The following CDX2 variants were observed in gnomAD, a reference collection of about 807,000 sequenced individuals.
CDX2 encodes caudal type homeobox 2, also known as homeobox protein CDX-2.
CDX2 carries 7 observed loss-of-function variants against 25.5 expected under a neutral mutation model. The ratio of observed to expected loss-of-function variants is 0.27; its 90% confidence interval spans 0.16 to 0.52. CDX2 has a LOEUF of 0.52. Among genes scored for constraint, CDX2 ranks in the 20% least tolerant of loss-of-function variants. The pLI, the probability that CDX2 is intolerant of heterozygous loss-of-function variation, is 0.97. For missense variants in CDX2, 375 were observed against 431.4 expected, an observed-to-expected ratio of 0.87 and a Z score of 1.16; for synonymous variants, 222 against 198.6, an observed-to-expected ratio of 1.12 and a Z score of -0.99.
At chr13:27,966,149 T>C (rs1449327764) in intron 1 of CDX2, among the ~76,000 whole-genome samples, 1 of 152,230 alleles carries the variant, frequency 6.6e-6, no homozygotes, top group South Asian at 2.1e-4. Flanking sequence ...GGCGATCTTA[T>C]CAAAGAAAAG....
chr13:27,967,310 T>TC (rs1869382428), intron 1 of CDX2: 1 of 515,922 alleles, frequency 1.9e-6, no homozygotes, highest in Middle Eastern at 2.9e-4. Context: ...ACCAGGACTC[T>TC]CCCTAGCATG....
In CDX2 at chr13:27,963,388, A is replaced by G. The variant is rs781080225; in HGVS notation, c.688-19T>C. ...TTTTAACCTAGAAATGGAAAGGTGG[A>G]GAAAAGCACATTGTGGTGAAGATGT... is the stretch of plus-strand genomic sequence containing the variant. On this transcript the variant is annotated intron_variant, in intron 2 of 2. Coordinates refer to ENST00000381020, the MANE Select transcript of CDX2 (RefSeq NM_001265.6). The G allele has an allele frequency of 2.3e-5, 35 of 1,536,812 alleles. No individual in the cohort carries two copies. The highest frequency in any genetic ancestry group is 1.2e-4 in the Admixed American group (6 of 50,680).
chr13:27,961,558 G>A lies in CDX2; in HGVS notation c.*1557C>T, dbSNP rs7998720. Among the ~76,000 whole-genome samples the A allele has an allele frequency of 3.0e-3, 461 of 151,282 alleles. 1 individual carries two copies. Among genetic ancestry groups the A allele is most frequent in the African/African-American group, 0.011 (440 of 40,722 alleles). Reference sequence around the variant, plus strand: ...GTTTGTGGGGTGATTGGGTTGGAAGGGGGGGCGCGGTCGGGGATAAGGAAA... The same window carrying A: ...GTTTGTGGGGTGATTGGGTTGGAAGAGGGGGCGCGGTCGGGGATAAGGAAA... On this transcript the variant is annotated 3_prime_UTR_variant, in exon 3 of 3. Coordinates refer to ENST00000381020, the MANE Select transcript of CDX2 (RefSeq NM_001265.6).
rs771353023 is a variant in CDX2 at position 27,964,900 on chromosome 13, T to A, written c.657A>T (p.Leu219=). Residue 219 remains leucine, a synonymous_variant, in exon 2 of 3, where the codon CTA becomes CTT. Coordinates refer to ENST00000381020, the MANE Select transcript of CDX2 (RefSeq NM_001265.6). The surrounding 1 kb of genome is among the most constrained non-coding windows in gnomAD (Gnocchi z 4.7). ...RYITIRRKAE[L]AATLGLSERQ... ...TCTCAGAGAGCCCCAGCGTGGCGGC[T>A]AGCTCGGCTTTCCTCCGGATGGTGA... 1 of 1,614,102 alleles carries A rather than the reference T, an allele frequency of 6.2e-7. No individual in the cohort carries two copies. Among genetic ancestry groups the A allele is most frequent in the South Asian group, 1.1e-5 (1 of 91,074 alleles).
chr13:27,964,067 C>CA lies in CDX2; in HGVS notation c.688-699dup, dbSNP rs1200420423. On this transcript the variant is annotated intron_variant, in intron 2 of 2. Coordinates refer to ENST00000381020, the MANE Select transcript of CDX2 (RefSeq NM_001265.6). This position sits in a 1 kb window ranked among gnomAD's most constrained non-coding sequence, Gnocchi z 4.7. ...GAGAGACAGAAAAAATCAACAACAT[C>CA]AAAAAAAGAGGACTAAAGGTAGAAG... is the stretch of plus-strand genomic sequence containing the variant. Among the ~76,000 whole-genome samples the CA allele has an allele frequency of 3.9e-5, 6 of 152,056 alleles. No individual in the cohort carries two copies. The highest frequency in any genetic ancestry group is 2.1e-4 in the South Asian group (1 of 4,812).
At position 27,961,948 on chromosome 13, in the gene CDX2, T is replaced by TG. The variant is rs1410895375; in HGVS notation, c.*1166dup. ...CGCATTCCAAGGCTGGGCTCAGGCTTGGGGGCAGGGAAGGTCTCAGAACCT... is the reference window on the plus strand; with the variant it reads ...CGCATTCCAAGGCTGGGCTCAGGCTTGGGGGGCAGGGAAGGTCTCAGAACCT... On this transcript the variant is annotated 3_prime_UTR_variant, in exon 3 of 3. Transcript: ENST00000381020. Among the ~76,000 whole-genome samples, 4 of 152,024 alleles carry TG rather than the reference T, an allele frequency of 2.6e-5. No homozygotes were observed. Among genetic ancestry groups the TG allele is most frequent in the Non-Finnish European group, 2.9e-5 (2 of 68,004 alleles).
At position 27,962,988 on chromosome 13, in the gene CDX2, T is replaced by G; in HGVS notation, c.*127A>C. 1 of 1,201,272 alleles carries G rather than the reference T, an allele frequency of 8.3e-7. No homozygotes were observed. The highest frequency in any genetic ancestry group is 1.1e-6 in the Non-Finnish European group (1 of 920,746). 74.4% of individuals were successfully genotyped at this position (1,201,272 alleles called of 1,614,324 possible). On this transcript the variant is annotated 3_prime_UTR_variant, in exon 3 of 3. Coordinates refer to ENST00000381020, the MANE Select transcript of CDX2 (RefSeq NM_001265.6). ...TTACTCCTGGCTCCCATTTTTCCTC[T>G]GAGAGCCAGGTCTGTAGGTCTATGG...
At chr13:27,966,861 C>A (rs1391754778) in intron 1 of CDX2, among the ~76,000 whole-genome samples, 2 of 152,068 alleles carry the variant, frequency 1.3e-5, no homozygotes, top group Admixed American at 6.6e-5. Context: ...AGGCCGCGTC[C>A]CCCCCTCCAC....
chr13:27,965,170 C>G (rs147791194), intron 1 of CDX2, among the ~76,000 whole-genome samples, 155 bp from the exon 2 acceptor site: 1 of 150,814 alleles, frequency 6.6e-6, no homozygotes, highest in East Asian at 1.9e-4. Context: ...CAAGACCCCC[C>G]AGAGGGTCCT....
At chr13:27,966,001 T>C (rs1869299645) in intron 1 of CDX2, among the ~76,000 whole-genome samples, 1 of 152,242 alleles carries the variant, frequency 6.6e-6, no homozygotes, top group East Asian at 1.9e-4. Flanking sequence ...AGGTGTTTAA[T>C]GCCCCGCAGG....
chr13:27,969,007 G>A lies in CDX2; in HGVS notation c.-1C>T, dbSNP rs977647537. On this transcript the variant is annotated 5_prime_UTR_variant, in exon 1 of 3. Coordinates refer to ENST00000381020, the MANE Select transcript of CDX2 (RefSeq NM_001265.6). The stretch of plus-strand genomic sequence containing the variant: ...TGTCCAGGAGGTAGCTCACGTACAT[G>A]GTGGCGAGGGTCCGGGAGCAGACCT... 4 of 1,593,552 alleles carry A rather than the reference G, an allele frequency of 2.5e-6. No homozygotes were observed. The highest frequency in any genetic ancestry group is 3.3e-4 in the Middle Eastern group (2 of 6,038).
At chr13:27,968,379 T>G in intron 1 of CDX2, 87 bp downstream of exon 1, 1 of 1,357,846 alleles carries the variant, frequency 7.4e-7, no homozygotes, top group African/African-American at 1.5e-5. Context: ...GACGCCCCTG[T>G]GCGCACTGGA....
In CDX2 at chr13:27,963,049, T is replaced by C. The variant is rs1381591901; in HGVS notation, c.*66A>G. The C allele has an allele frequency of 2.4e-5, 37 of 1,542,360 alleles. No homozygotes were observed. The highest frequency in any genetic ancestry group is 2.9e-5 in the Non-Finnish European group (33 of 1,143,616). On this transcript the variant is annotated 3_prime_UTR_variant, in exon 3 of 3. Transcript: ENST00000381020. ...GAGGGGAGGGGTCTCTCCTGAGGAG[T>C]CTAGCAGAGTCCACGCTCCTCATGG...
Position 27,962,587 on chromosome 13 carries a change from T to C in CDX2, c.*528A>G. Reference sequence around the variant, plus strand: ...AGGCCACCTGGGGGTTCTGCAGTCTTTGGTCAGTCCAGCTTTCTATCTTAG... The same window carrying C: ...AGGCCACCTGGGGGTTCTGCAGTCTCTGGTCAGTCCAGCTTTCTATCTTAG... On this transcript the variant is annotated 3_prime_UTR_variant, in exon 3 of 3. Transcript: ENST00000381020. 1 of 232,928 alleles carries C rather than the reference T, an allele frequency of 4.3e-6. No individual in the cohort carries two copies. Among genetic ancestry groups the C allele is most frequent in the Non-Finnish European group, 8.5e-6 (1 of 117,638 alleles). The allele number at this position is 232,928 out of a possible 1,614,324, so 14.4% of individuals were successfully genotyped here.
Position 27,968,638 on chromosome 13 carries a change from C to A in CDX2, c.369G>T (p.Pro123=), listed in dbSNP as rs1483929892. 74 of 1,537,440 alleles carry A rather than the reference C, an allele frequency of 4.8e-5. No homozygotes were observed. The highest frequency in any genetic ancestry group is 6.3e-5 in the Non-Finnish European group (72 of 1,147,540). ...AGGAAGGCGCGGCGGCCGGGTGGTG[C>A]GGGTGGTGATGCGGGTGGTGGTGCG... ...YHPHHHPHHH[P]HHPAAAPSCA... is the part of the protein sequence containing the mutation. Residue 123 remains proline, a synonymous_variant, in exon 1 of 3, where the codon CCG becomes CCT. Coordinates refer to ENST00000381020, the MANE Select transcript of CDX2 (RefSeq NM_001265.6).
At position 27,968,730 on chromosome 13, in the gene CDX2, C is replaced by T; in HGVS notation, c.277G>A (p.Ala93Thr). Residue 93 changes from alanine to threonine, a missense_variant, in exon 1 of 3, where the codon GCT (alanine) becomes ACT (threonine). Ala to Thr is a moderately conservative substitution (Grantham distance 58, BLOSUM62 0). Around this residue, in one of 3 missense-constraint regions of CDX2, gnomAD observed 253 missense variants for 247.5 expected, o/e 1.02. Coordinates refer to ENST00000381020, the MANE Select transcript of CDX2 (RefSeq NM_001265.6). The stretch of plus-strand genomic sequence containing the variant: ...GGGGAGCCACCGTTGAGGCCGTGAG[C>T]CACGGCGTTGGCGGCGGCCGCGGCG... ...GGAAAAANAVAHGLNGGSPAA... is the reference protein window; with the variant it reads ...GGAAAAANAVTHGLNGGSPAA... 2 of 1,518,712 alleles carry T rather than the reference C, an allele frequency of 1.3e-6. No homozygotes were observed. The highest frequency in any genetic ancestry group is 1.8e-6 in the Non-Finnish European group (2 of 1,139,324). The allele number at this position is 1,518,712 out of a possible 1,614,324, so 94.1% of individuals were successfully genotyped here. A position where few individuals can be genotyped will look rare whatever the true frequency, so the allele number is the denominator to read the frequency against.
rs200320749 is a variant in CDX2, at chr13:27,961,689, AT to A, written c.*1425del. 2.4e-3 allele frequency among the ~76,000 whole-genome samples: 145 copies of A among 60,226 alleles called. No individual in the cohort carries two copies. The highest frequency in any genetic ancestry group is 0.023 in the Middle Eastern group (2 of 88). 39.5% of individuals were successfully genotyped at this position (60,226 alleles called of 152,430 possible). ...AATGCTGTCTTGGGAAACTAGGGGG[AT>A]TTTTTTTAAAAAAAATTTAATGCTC... is the stretch of plus-strand genomic sequence containing the variant. On this transcript the variant is annotated 3_prime_UTR_variant, in exon 3 of 3. Transcript: ENST00000381020.
In CDX2 at chr13:27,963,096, C is replaced by A. The variant is rs1463658680; in HGVS notation, c.*19G>T. ...ATGGCTCAGCCTGGAATTGCTCTGC[C>A]GCTGCAGAACCCGGTGGGTCACTGG... On this transcript the variant is annotated 3_prime_UTR_variant, in exon 3 of 3. Coordinates refer to ENST00000381020, the MANE Select transcript of CDX2 (RefSeq NM_001265.6). The A allele has an allele frequency of 1.2e-6, 2 of 1,600,194 alleles. No homozygotes were observed. Among genetic ancestry groups the A allele is most frequent in the Non-Finnish European group, 8.5e-7 (1 of 1,171,762 alleles).
Position 27,968,662 on chromosome 13 carries a change from C to A in CDX2, c.345G>T (p.Pro115=). The change falls in exon 1 of 3, where the codon CCG becomes CCT. Residue 115 remains proline (P), a synonymous_variant. Coordinates refer to ENST00000381020, the MANE Select transcript of CDX2 (RefSeq NM_001265.6). The part of the protein sequence containing the change: ...MGYSSPADYH[P]HHHPHHHPHH... ...GCGGGTGGTGATGCGGGTGGTGGTG[C>A]GGATGGTAGTCTGCGGGGCTGCTGT... is the stretch of plus-strand genomic sequence containing the variant. 1 of 1,533,170 alleles carries A rather than the reference C, an allele frequency of 6.5e-7. No individual in the cohort carries two copies. Among genetic ancestry groups the A allele is most frequent in the Non-Finnish European group, 8.7e-7 (1 of 1,144,492 alleles). 95.0% of individuals were successfully genotyped at this position (1,533,170 alleles called of 1,614,324 possible).
Sources: allele counts gnomAD v4.1 joint callset (sites outside exome capture counted in the v4.1 genomes callset), GRCh38; gene constraint gnomAD v4.1.1; regional missense constraint gnomAD v4.1.1; non-coding constraint Gnocchi (gnomAD v3.1); transcripts MANE v1.5; gene names NCBI Gene and HGNC (gene_info 2026-07-23, HGNC 2026-07-21).